Variants in CFI observed in about 807,000 individuals in gnomAD.
CFI encodes C3B/C4B inactivator.
Under a neutral mutation model 78.8 loss-of-function variants are expected in CFI, and 66 were observed. The ratio of observed to expected loss-of-function variants is 0.84; its 90% CI spans 0.69 to 1.03. The LOEUF is 1.03. Among genes scored for constraint, CFI ranks in the 50% least tolerant of loss-of-function variants. CFI has a pLI of 0.00. For missense variants in CFI, 706 were observed against 704.5 expected (o/e 1.00, Z -0.02); for synonymous variants, 250 against 232.6 (o/e 1.07, Z -0.68).
chr4:109,801,881 T>C, intron 1 of CFI, 34 bp downstream of exon 1: 3 of 1,419,064 alleles, frequency 2.1e-6, no homozygotes, highest in Middle Eastern at 1.8e-4. Context: ...AAATTATCAA[T>C]TAAAATTGTT....
downstream of CFI, among the ~76,000 whole-genome samples, chr4:109,739,153 T>A (rs967589035): frequency 6.6e-6 from 1 of 152,118 alleles, no homozygotes; most frequent in African/African-American, 2.4e-5. Flanking sequence ...GGAATATATG[T>A]AAAAATGGGT....
intron 1 of CFI, among the ~76,000 whole-genome samples, chr4:109,800,967 G>A (rs1200909546): frequency 6.6e-6 from 1 of 152,044 alleles, no homozygotes; most frequent in African/African-American, 2.4e-5. Context: ...TGCAATGATG[G>A]CAACTATTTT....
chr4:109,772,095 G>A (rs576676146), intron 1 of CFI, among the ~76,000 whole-genome samples: 1 of 152,336 alleles, frequency 6.6e-6, no homozygotes, highest in East Asian at 1.9e-4. Context: ...GATGGTAAAG[G>A]ATAACACGAA....
chr4:109,741,243 G>C (rs1373924179), intron 12 of CFI, 133 bp from the exon 13 acceptor site: 1 of 1,518,246 alleles, frequency 6.6e-7, no homozygotes, highest in Non-Finnish European at 8.8e-7. Context: ...GCTCTCCTTA[G>C]AGTCCCTGGC....
chr4:109,754,758 G>T (rs924784367), intron 7 of CFI, among the ~76,000 whole-genome samples: 1 of 152,160 alleles, frequency 6.6e-6, no homozygotes, highest in Non-Finnish European at 1.5e-5. Flanking sequence ...ATTCACAAAA[G>T]CACGCTTGTG....
intron 1 of CFI, among the ~76,000 whole-genome samples, chr4:109,787,170 A>G (rs1032623818): frequency 1.3e-5 from 2 of 152,116 alleles, no homozygotes; most frequent in Admixed American, 6.6e-5. Flanking sequence ...GCATTAACCA[A>G]CTGGTACAAT....
chr4:109,783,812 GATATATATATATAT>G lies in CFI; in HGVS notation c.58-17002_58-16989del, dbSNP rs34128338. 1.8e-5 allele frequency among the ~76,000 whole-genome samples: 2 copies of G among 113,002 alleles called. 1 individual carries two copies. Among genetic ancestry groups the G allele is most frequent in the African/African-American group, 6.6e-5 (2 of 30,204 alleles). The allele number at this position is 113,002 out of a possible 152,430, so 74.1% of individuals were successfully genotyped here. A position where few individuals can be genotyped will look rare whatever the true frequency, so the allele number is the denominator to read the frequency against. On this transcript the variant is annotated intron_variant, in intron 1 of 12. Coordinates refer to ENST00000394634, the MANE Select transcript of CFI (RefSeq NM_000204.5). ...TTCAATGAGTGGATAAAGAAACTGTGATATATATATATATATATATATGATGGAATACTACTCAG... is the reference window on the plus strand; with the variant it reads ...TTCAATGAGTGGATAAAGAAACTGTGATATATATGATGGAATACTACTCAG...
chr4:109,767,233 T>A (rs1314370319), intron 1 of CFI, among the ~76,000 whole-genome samples: 1 of 152,194 alleles, frequency 6.6e-6, no homozygotes, highest in Non-Finnish European at 1.5e-5. Flanking sequence ...AAGGACTTCA[T>A]GTCTAAAATA....
intron 1 of CFI, among the ~76,000 whole-genome samples, chr4:109,788,230 A>T (rs1162682466): frequency 6.6e-6 from 1 of 152,142 alleles, no homozygotes; most frequent in Non-Finnish European, 1.5e-5. Context: ...TATCTGCCAG[A>T]TACTTCCCTG....
intron 8 of CFI, among the ~76,000 whole-genome samples, chr4:109,750,059 C>T (rs1435267272): frequency 2.6e-5 from 4 of 151,942 alleles, no homozygotes; most frequent in Non-Finnish European, 2.9e-5. Context: ...TGCAATGGCA[C>T]GATCTCAGCT....
chr4:109,756,410 A>G (rs930183407), intron 7 of CFI, among the ~76,000 whole-genome samples: 1 of 150,636 alleles, frequency 6.6e-6, no homozygotes, highest in African/African-American at 2.4e-5. Context: ...GAAAAGAAGA[A>G]GAGAAAAGAG....
At chr4:109,774,505 G>A (rs530963892) in intron 1 of CFI, among the ~76,000 whole-genome samples, 1 of 152,256 alleles carries the variant, frequency 6.6e-6, no homozygotes, top group South Asian at 2.1e-4. Context: ...TTGGTCAAAG[G>A]GGCCAGTGTG....
chr4:109,757,101 T>G (rs1275877475), intron 7 of CFI, among the ~76,000 whole-genome samples: 1 of 151,392 alleles, frequency 6.6e-6, no homozygotes, highest in African/African-American at 2.4e-5. Context: ...CGGTCTCGGC[T>G]CACTGCAAGC....
At chr4:109,788,720 A>G (rs927864444) in intron 1 of CFI, among the ~76,000 whole-genome samples, 2 of 152,114 alleles carry the variant, frequency 1.3e-5, no homozygotes, top group Non-Finnish European at 2.9e-5. Flanking sequence ...AAGAAAATGC[A>G]AAGTGAACAT....
chr4:109,741,249 C>G, intron 12 of CFI, 139 bp from the exon 13 acceptor site: 1 of 1,501,002 alleles, frequency 6.7e-7, no homozygotes, highest in South Asian at 1.3e-5. Flanking sequence ...CTTAGAGTCC[C>G]TGGCTGGGCT....
At chr4:109,763,851 G>A (rs1288719590) in intron 3 of CFI, among the ~76,000 whole-genome samples, 3 of 151,186 alleles carry the variant, frequency 2.0e-5, no homozygotes, top group African/African-American at 4.8e-5. Flanking sequence ...GCAAACTAAC[G>A]TATTAATTAA....
chr4:109,774,264 A>G (rs1728942022), intron 1 of CFI, among the ~76,000 whole-genome samples: 1 of 152,204 alleles, frequency 6.6e-6, no homozygotes, highest in African/African-American at 2.4e-5. Flanking sequence ...AATATATAAG[A>G]TGACATAAGG....
intron 7 of CFI, among the ~76,000 whole-genome samples, chr4:109,753,956 A>G (rs1234491481): frequency 7.0e-6 from 1 of 143,540 alleles, no homozygotes; most frequent in Non-Finnish European, 1.5e-5. Flanking sequence ...TATATATTTG[A>G]TATTTTTATC....
rs1322125732 is a variant in CFI at position 109,749,282 on chromosome 4, C to T, written c.1084G>A (p.Gly362Arg). The T allele has an allele frequency of 5.0e-6, 8 of 1,614,048 alleles. No individual in the cohort carries two copies. Among genetic ancestry groups the T allele is most frequent in the Non-Finnish European group, 6.8e-6 (8 of 1,180,018 alleles). ...ATATAAATTCCCCCACAGGTGATTC[C>T]ACTGGCATCCTTAATTGCCACCTGC... ...PWQVAIKDAS[G>R]ITCGGIYIGG... Residue 362 changes from glycine (G) to arginine (R), a missense_variant, in exon 10 of 13, where the codon GGA becomes AGA. Coordinates refer to ENST00000394634, the MANE Select transcript of CFI (RefSeq NM_000204.5).
Sources: allele counts gnomAD v4.1 joint callset (sites outside exome capture counted in the v4.1 genomes callset), GRCh38; gene constraint gnomAD v4.1.1; transcripts MANE v1.5; gene names NCBI Gene and HGNC (gene_info 2026-07-23, HGNC 2026-07-21).